Variants in HECA observed in about 807,000 individuals in gnomAD.
HECA encodes HECA ribonucleoprotein granule regulator, also known as headcase protein homolog.
HECA carries 13 observed loss-of-function variants against 37.6 expected under a neutral mutation model. The ratio of observed to expected loss-of-function variants is 0.35; its 90% CI spans 0.23 to 0.55. HECA has a LOEUF of 0.55. HECA is among the 20% of genes least tolerant of loss of function. The pLI, the probability that HECA is intolerant of heterozygous loss-of-function variation, is 0.90. For missense variants in HECA, 527 were observed against 701.9 expected, an observed-to-expected ratio of 0.75 and a Z score of 2.82; for synonymous variants, 307 against 291.5, an observed-to-expected ratio of 1.05 and a Z score of -0.54.
rs1464662464 is a variant in HECA, at chr6:139,167,454, A to T, written c.1312+130A>T. On this transcript the variant is annotated intron_variant, in intron 2 of 3. Coordinates refer to ENST00000367658, the MANE Select transcript of HECA (RefSeq NM_016217.3). Reference sequence around the variant, plus strand: ...TTGTTCTAGTCAGGTGCTAGGTAACATTTGAATATTTCAGCTTCGCCCAGT... The same window carrying T: ...TTGTTCTAGTCAGGTGCTAGGTAACTTTTGAATATTTCAGCTTCGCCCAGT... The T allele has an allele frequency of 3.9e-6, 3 of 759,976 alleles. No homozygotes were observed. In the East Asian group the frequency reaches 8.2e-5, roughly 21 times the overall value. The allele number at this position is 759,976 out of a possible 1,614,324, so 47.1% of individuals were successfully genotyped here.
intron 1 of HECA, among the ~76,000 whole-genome samples, chr6:139,141,032 C>T (rs554039148): frequency 2.0e-5 from 3 of 152,164 alleles, no homozygotes; most frequent in Admixed American, 1.3e-4. Context: ...CATCGAGATC[C>T]GCCCACCTCG....
intron 2 of HECA, among the ~76,000 whole-genome samples, chr6:139,169,234 T>G (rs910480761): frequency 6.6e-6 from 1 of 152,016 alleles, no homozygotes; most frequent in Non-Finnish European, 1.5e-5. Flanking sequence ...TTAGATTATT[T>G]TTTTTGTTGG....
intron 1 of HECA, among the ~76,000 whole-genome samples, chr6:139,148,941 T>G (rs1225326299): frequency 6.6e-6 from 1 of 152,130 alleles, no homozygotes; most frequent in African/African-American, 2.4e-5. Context: ...CTTTGACACT[T>G]GTAGATAAAG....
chr6:139,146,584 G>A (rs997805117), intron 1 of HECA, among the ~76,000 whole-genome samples: 1 of 152,214 alleles, frequency 6.6e-6, no homozygotes, highest in Non-Finnish European at 1.5e-5. Context: ...TTGGCAGCGG[G>A]TACAATCTGT....
intron 1 of HECA, among the ~76,000 whole-genome samples, chr6:139,154,736 GAGA>G (rs921772020): frequency 6.6e-5 from 10 of 152,220 alleles, no homozygotes; most frequent in African/African-American, 2.4e-4. Flanking sequence ...CTCATCAAGA[GAGA>G]AGAAGCAGGT....
intron 1 of HECA, among the ~76,000 whole-genome samples, chr6:139,145,210 C>T (rs1226387870): frequency 6.6e-6 from 1 of 152,216 alleles, no homozygotes; most frequent in African/African-American, 2.4e-5. Flanking sequence ...TTCCAGTTTT[C>T]AGTGGTTAGC....
At chr6:139,167,465 T>A (rs1004718168) in intron 2 of HECA, 141 bp downstream of exon 2, 1 of 718,244 alleles carries the variant, frequency 1.4e-6, no homozygotes. Flanking sequence ...TTTGAATATT[T>A]CAGCTTCGCC....
chr6:139,170,770 AT>A (rs527916420), intron 2 of HECA, among the ~76,000 whole-genome samples: 1 of 152,024 alleles, frequency 6.6e-6, no homozygotes, highest in South Asian at 2.1e-4. Context: ...GAATGGAAAG[AT>A]TTTCAGTGTT....
intron 1 of HECA, among the ~76,000 whole-genome samples, chr6:139,161,507 GT>G (rs1774801951): frequency 6.6e-6 from 1 of 152,182 alleles, no homozygotes; most frequent in African/African-American, 2.4e-5. Flanking sequence ...TGTGTTCCAT[GT>G]GTGCACTTCT....
At chr6:139,170,867 T>TG (rs1774963127) in intron 2 of HECA, among the ~76,000 whole-genome samples, 2 of 152,010 alleles carry the variant, frequency 1.3e-5, no homozygotes, top group Admixed American at 6.6e-5. Context: ...TGAGGCTTTG[T>TG]AGTCTAGATG....
chr6:139,149,171 A>G (rs1357568119), intron 1 of HECA, among the ~76,000 whole-genome samples: 1 of 152,166 alleles, frequency 6.6e-6, no homozygotes, highest in East Asian at 1.9e-4. Context: ...TTATTCACAC[A>G]CCATGCATCA....
intron 1 of HECA, among the ~76,000 whole-genome samples, chr6:139,150,625 A>G (rs552738713): frequency 3.3e-5 from 5 of 151,922 alleles, no homozygotes; most frequent in African/African-American, 7.2e-5. Flanking sequence ...AATCATAGGT[A>G]ATATAACAAA....
At position 139,177,165 on chromosome 6, in the gene HECA, T is replaced by G. The variant is rs1775064119; in HGVS notation, c.*60T>G. ...ATATTATTACTTTATTACATATCTT[T>G]TATAGGGAAACATTCTGTGACATTA... On this transcript the variant is annotated 3_prime_UTR_variant, in exon 4 of 4. Coordinates refer to ENST00000367658, the MANE Select transcript of HECA (RefSeq NM_016217.3). This position sits in a 1 kb window ranked among gnomAD's most constrained non-coding sequence, Gnocchi z 4.9. 1.4e-6 allele frequency: 1 copy of G among 708,662 alleles called. No homozygotes were observed. Among genetic ancestry groups the G allele is most frequent in the Non-Finnish European group, 2.4e-6 (1 of 410,334 alleles). The allele number at this position is 708,662 out of a possible 1,614,324, so 43.9% of individuals were successfully genotyped here. A position where few individuals can be genotyped will look rare whatever the true frequency, so the allele number is the denominator to read the frequency against.
intron 1 of HECA, among the ~76,000 whole-genome samples, chr6:139,148,029 T>A (rs1774606772): frequency 6.6e-6 from 1 of 152,244 alleles, no homozygotes; most frequent in Non-Finnish European, 1.5e-5. Flanking sequence ...ATTGTCATAA[T>A]ATTTGCATTT....
chr6:139,138,446 C>A (rs1425774604), intron 1 of HECA, among the ~76,000 whole-genome samples: 2 of 152,182 alleles, frequency 1.3e-5, no homozygotes, highest in Non-Finnish European at 2.9e-5. Flanking sequence ...CTGTTCAAGT[C>A]AGCTATCTAC....
In HECA at chr6:139,171,636, C is replaced by CT. The variant is rs913271292; in HGVS notation, c.1313-2740dup. Among the ~76,000 whole-genome samples, 78 of 151,182 alleles carry CT rather than the reference C, an allele frequency of 5.2e-4. 1 individual carries two copies. The South Asian group carries it at 8.4e-3, about 16-fold the overall frequency. On this transcript the variant is annotated intron_variant, in intron 2 of 3. Transcript: ENST00000367658. Reference sequence around the variant, plus strand: ...TCTATTTTTCTTTTCTTTTTTCTTTCTTTTTTTTTGAGTATCTCAGTCTGT... The same window carrying CT: ...TCTATTTTTCTTTTCTTTTTTCTTTCTTTTTTTTTTGAGTATCTCAGTCTGT...
chr6:139,141,793 A>G (rs6570311), intron 1 of HECA, among the ~76,000 whole-genome samples: 105,589 of 148,354 alleles, frequency 0.71, 38,715 homozygotes, highest in African/African-American at 0.86. Context: ...TCACTATGTC[A>G]CCAGGCTAGA....
At chr6:139,159,378 A>G (rs1774764214) in intron 1 of HECA, 2 of 152,224 alleles carry the variant, frequency 1.3e-5, no homozygotes, top group Admixed American at 6.5e-5. Context: ...TTGAAACCTT[A>G]CATTTGTAAT....
intron 2 of HECA, among the ~76,000 whole-genome samples, chr6:139,171,862 A>C (rs1416613391): frequency 2.0e-5 from 3 of 148,622 alleles, no homozygotes; most frequent in Non-Finnish European, 3.0e-5. Context: ...ACGGGGTTTC[A>C]CTTTTGTTGC....
Sources: gnomAD v4.1 joint callset for allele counts (sites outside exome capture counted in the v4.1 genomes callset) on GRCh38, gnomAD v4.1.1 for gene constraint, Gnocchi (gnomAD v3.1) non-coding constraint, MANE v1.5 for transcripts, NCBI Gene and HGNC (gene_info 2026-07-23, HGNC 2026-07-21) for gene names.